The following GSE1 variants were observed in gnomAD, a reference collection of about 807,000 sequenced individuals.
GSE1 encodes Gse1 coiled-coil protein, also known as genetic suppressor element 1.
Under a neutral mutation model 112.6 loss-of-function variants are expected in GSE1, and 32 were observed. The ratio of observed to expected loss-of-function variants is 0.28; its 90% CI spans 0.21 to 0.38. The LOEUF is 0.38. Ranked by LOEUF, GSE1 falls within the 10% of genes least tolerant of loss-of-function variation. The probability of loss-of-function intolerance (pLI) is 1.00; values close to 1 mark genes in which losing one functional copy is unlikely to be tolerated. For missense variants in GSE1, 2,348 were observed against 1,699.2 expected (o/e 1.38, Z -6.71); for synonymous variants, 1,115 against 735.6 (o/e 1.52, Z -8.35).
chr16:85,614,388 C>T (rs1031502061), intron 1 of GSE1, among the ~76,000 whole-genome samples: 1 of 152,078 alleles, frequency 6.6e-6, no homozygotes, highest in Admixed American at 6.5e-5. Flanking sequence ...GAGTGGAGCT[C>T]ACCCTCCCTG....
intron 1 of GSE1, among the ~76,000 whole-genome samples, chr16:85,228,469 G>A (rs1172076658): frequency 1.3e-5 from 2 of 152,206 alleles, no homozygotes; most frequent in African/African-American, 4.8e-5. Flanking sequence ...GCCTGGGTTT[G>A]AACCCCCACC....
rs755552802 is a variant in GSE1 at position 85,657,626 on chromosome 16, A to AGG, written c.1640+23_1640+24dup. On this transcript the variant is annotated intron_variant, in intron 8 of 15. Transcript: ENST00000253458. ...CCAGGTGAGTGAGCCCCAGGAAGGA[A>AGG]GGAGGGATGAGCCTTCACGTTCCGA... 12 of 1,461,432 alleles carry AGG rather than the reference A, an allele frequency of 8.2e-6. 1 individual carries two copies. The East Asian group carries it at 1.2e-4, about 15-fold the overall frequency. The allele number at this position is 1,461,432 out of a possible 1,614,324, so 90.5% of individuals were successfully genotyped here. A position where few individuals can be genotyped will look rare whatever the true frequency, so the allele number is the denominator to read the frequency against.
intron 2 of GSE1, among the ~76,000 whole-genome samples, chr16:85,500,998 G>GTTTTTTTTTTTTTTTTTTTTTT (rs55650214): frequency 1.5e-5 from 1 of 64,834 alleles, no homozygotes. Context: ...GGCCTGTTCT[G>GTTTTTTTTTTTTTTTTTTTTTT]TTTTTTTTTT....
chr16:85,574,812 G>A (rs372680503), intron 1 of GSE1, among the ~76,000 whole-genome samples: 1 of 152,252 alleles, frequency 6.6e-6, no homozygotes, highest in Non-Finnish European at 1.5e-5. Context: ...CAGCCAGGGT[G>A]GGAGGCAGCA....
At chr16:85,383,501 A>G (rs972675921) in intron 2 of GSE1, among the ~76,000 whole-genome samples, 60 of 148,824 alleles carry the variant, frequency 4.0e-4, no homozygotes, top group African/African-American at 1.5e-3. Context: ...CTCCCAGCAC[A>G]CACACACACA....
At chr16:85,382,396 G>C (rs996534204) in intron 2 of GSE1, among the ~76,000 whole-genome samples, 3 of 152,208 alleles carry the variant, frequency 2.0e-5, no homozygotes, top group Non-Finnish European at 4.4e-5. Flanking sequence ...GGCCCTGGAC[G>C]AGGGCTCCTC....
At chr16:85,392,914 A>G (rs1045210512) in intron 2 of GSE1, among the ~76,000 whole-genome samples, 1 of 152,208 alleles carries the variant, frequency 6.6e-6, no homozygotes, top group Non-Finnish European at 1.5e-5. Context: ...GGCAGAGTGC[A>G]TGCCTCTGAG....
In GSE1 at chr16:85,404,137, G is replaced by A. The variant is rs1477748835; in HGVS notation, c.2464+46494G>A. 3.1e-4 allele frequency among the ~76,000 whole-genome samples: 32 copies of A among 101,796 alleles called. No homozygotes were observed. The East Asian group carries it at 7.5e-3, about 24-fold the overall frequency. 66.8% of individuals were successfully genotyped at this position (101,796 alleles called of 152,430 possible). ...TCACTGTTACACTCAGGGCCCCCCTGGATAATCCACACCGTTACACTCAGG... is the reference window on the plus strand; with the variant it reads ...TCACTGTTACACTCAGGGCCCCCCTAGATAATCCACACCGTTACACTCAGG... On this transcript the variant is annotated intron_variant, in intron 2 of 2. Transcript: ENST00000637419.
chr16:85,268,666 C>A (rs1039282507), intron 1 of GSE1, among the ~76,000 whole-genome samples: 1 of 152,220 alleles, frequency 6.6e-6, no homozygotes, highest in Non-Finnish European at 1.5e-5. Flanking sequence ...GTAGCTGCCC[C>A]TGGAGCCCCC....
chr16:85,220,496 G>A (rs2075372158), intron 1 of GSE1, among the ~76,000 whole-genome samples: 1 of 152,174 alleles, frequency 6.6e-6, no homozygotes, highest in Non-Finnish European at 1.5e-5. Context: ...CTCAGAGCCG[G>A]GCCCGCGGCC....
chr16:85,290,493 C>T (rs1209775874), intron 1 of GSE1, among the ~76,000 whole-genome samples: 1 of 152,194 alleles, frequency 6.6e-6, no homozygotes, highest in African/African-American at 2.4e-5. Flanking sequence ...CCCTCCGTCA[C>T]TTGCTTGGCC....
intron 1 of GSE1, among the ~76,000 whole-genome samples, chr16:85,275,200 C>A (rs1049640983): frequency 6.6e-6 from 1 of 152,186 alleles, no homozygotes; most frequent in Non-Finnish European, 1.5e-5. Flanking sequence ...AGTCTTAACT[C>A]CCAAACCACA....
At chr16:85,667,179 C>T (rs550164824) in intron 13 of GSE1, among the ~76,000 whole-genome samples, 3 of 151,652 alleles carry the variant, frequency 2.0e-5, no homozygotes, top group South Asian at 2.1e-4. Context: ...CCCTCCCTGC[C>T]CTTTGGCAGT....
intron 1 of GSE1, among the ~76,000 whole-genome samples, chr16:85,245,188 C>T (rs74420591): frequency 6.6e-6 from 1 of 151,974 alleles, no homozygotes; most frequent in African/African-American, 2.4e-5. Context: ...CAAAACAAAA[C>T]ACCCCTGGCT....
intron 1 of GSE1, among the ~76,000 whole-genome samples, chr16:85,625,592 GTTC>G (rs1365212916): frequency 6.6e-6 from 1 of 152,176 alleles, no homozygotes; most frequent in Non-Finnish European, 1.5e-5. Context: ...TGCACCCCGT[GTTC>G]TTCTGCAGAA....
At chr16:85,332,000 C>G (rs1567693843) in intron 1 of GSE1, among the ~76,000 whole-genome samples, 1 of 152,066 alleles carries the variant, frequency 6.6e-6, no homozygotes, top group Admixed American at 6.5e-5. Flanking sequence ...AATTCTGCAT[C>G]CAGAGGGTGC....
At chr16:85,382,415 A>G (rs1275345295) in intron 2 of GSE1, among the ~76,000 whole-genome samples, 1 of 152,218 alleles carries the variant, frequency 6.6e-6, no homozygotes, top group Admixed American at 6.5e-5. Flanking sequence ...TCTGTTTCAG[A>G]GGCCACATGG....
At chr16:85,289,655 C>T (rs1347692790) in intron 1 of GSE1, among the ~76,000 whole-genome samples, 1 of 152,092 alleles carries the variant, frequency 6.6e-6, no homozygotes, top group Non-Finnish European at 1.5e-5. Context: ...GGGTAAGCAA[C>T]GGGGTGGTGG....
chr16:85,591,281 AGTTTAATT>A (rs757405226), intron 1 of GSE1, among the ~76,000 whole-genome samples: 69 of 152,162 alleles, frequency 4.5e-4, no homozygotes, highest in Non-Finnish European at 5.6e-4. Flanking sequence ...GGTACCCAGG[AGTTTAATT>A]GTTTAACTCT....
Sources: gnomAD v4.1 joint callset for allele counts (sites outside exome capture counted in the v4.1 genomes callset) on GRCh38, gnomAD v4.1.1 for gene constraint, MANE v1.5 for transcripts, NCBI Gene and HGNC (gene_info 2026-07-23, HGNC 2026-07-21) for gene names.